TUBGCP4: variants seen among roughly 807,000 people sequenced by gnomAD.
The protein encoded by TUBGCP4 is gamma-tubulin complex component 4.
Under a neutral mutation model 91.6 loss-of-function variants are expected in TUBGCP4, and 54 were observed. The ratio of observed to expected loss-of-function variants is 0.59; its 90% confidence interval spans 0.47 to 0.74. The LOEUF (loss-of-function observed/expected upper bound fraction) is 0.74, where lower values mean the gene tolerates loss of function less well. Ranked by LOEUF, TUBGCP4 falls within the 30% of genes least tolerant of loss-of-function variation. The pLI is 0.00. For synonymous variants in TUBGCP4, 297 were observed against 302.8 expected, an observed-to-expected ratio of 0.98 and a Z score of 0.20; for missense variants, 593 against 800.9, an observed-to-expected ratio of 0.74 and a Z score of 3.13.
chr15:43,382,627 A>G (rs892982181), intron 6 of TUBGCP4, among the ~76,000 whole-genome samples: 3 of 152,226 alleles, frequency 2.0e-5, no homozygotes, highest in Admixed American at 1.3e-4. Context: ...TTCCCATTAC[A>G]TCATATTAGA....
At chr15:43,403,004 T>C (rs1411280368) in intron 15 of TUBGCP4, 1 of 152,262 alleles carries the variant, frequency 6.6e-6, no homozygotes, top group Non-Finnish European at 1.5e-5. Flanking sequence ...GATGGGTAGA[T>C]GCTGTCCTTA....
Position 43,394,998 on chromosome 15 carries a change from G to A in TUBGCP4, c.1015-109G>A, listed in dbSNP as rs2044557022. 3 of 1,181,382 alleles carry A rather than the reference G, an allele frequency of 2.5e-6. No homozygotes were observed. In the African/African-American group the frequency reaches 4.5e-5, roughly 18 times the overall value. 73.2% of individuals were successfully genotyped at this position (1,181,382 alleles called of 1,614,324 possible). Reference sequence around the variant, plus strand: ...TTTTGAGTAAATTTTTCTATGTGGGGCAAGGTATAGTCTTCTTTTAATACA... The same window carrying A: ...TTTTGAGTAAATTTTTCTATGTGGGACAAGGTATAGTCTTCTTTTAATACA... On this transcript the variant is annotated intron_variant, in intron 9 of 17. Transcript: ENST00000564079.
At chr15:43,388,284 G>A (rs1213204343) in intron 9 of TUBGCP4, among the ~76,000 whole-genome samples, 1 of 152,192 alleles carries the variant, frequency 6.6e-6, no homozygotes, top group Non-Finnish European at 1.5e-5. Context: ...ATCTCCATGG[G>A]TTAGAAGCAC....
intron 15 of TUBGCP4, 150 bp downstream of exon 15, chr15:43,402,000 T>C (rs915334679): frequency 1.8e-5 from 18 of 996,740 alleles, no homozygotes; most frequent in East Asian, 1.4e-4. Flanking sequence ...CGGCGGGGCA[T>C]GGTGGCTCAT....
chr15:43,384,588 A>G (rs1413433049), intron 7 of TUBGCP4, among the ~76,000 whole-genome samples: 1 of 152,230 alleles, frequency 6.6e-6, no homozygotes, highest in Non-Finnish European at 1.5e-5. Flanking sequence ...CTGAAGTAAA[A>G]TGTTACAAGA....
intron 5 of TUBGCP4, 41 bp from the exon 6 acceptor site, chr15:43,380,043 T>C (rs2142784385): frequency 6.3e-7 from 1 of 1,591,158 alleles, no homozygotes; most frequent in East Asian, 2.2e-5. Flanking sequence ...GCATGGACTC[T>C]TAGAATGGAA....
intron 9 of TUBGCP4, among the ~76,000 whole-genome samples, chr15:43,392,493 GTTTGTTTTGT>G (rs748181499): frequency 4.6e-5 from 7 of 151,800 alleles, no homozygotes; most frequent in Non-Finnish European, 7.4e-5. Flanking sequence ...TTGTTTGTTT[GTTTGTTTTGT>G]TTTGTTTTGT....
intron 14 of TUBGCP4, among the ~76,000 whole-genome samples, chr15:43,400,789 C>G (rs1037658601): frequency 6.6e-6 from 1 of 152,036 alleles, no homozygotes; most frequent in Non-Finnish European, 1.5e-5. Flanking sequence ...GTGGTGGCGC[C>G]TGTTTGTAGT....
At chr15:43,371,585 T>G (rs2044123061) in intron 1 of TUBGCP4, among the ~76,000 whole-genome samples, 153 bp downstream of exon 1, 1 of 151,412 alleles carries the variant, frequency 6.6e-6, no homozygotes, top group African/African-American at 2.4e-5. Context: ...CCCCTTAGGG[T>G]CAAGGCTGAT....
In TUBGCP4 at chr15:43,405,297, C is replaced by T. The variant is rs1027775332; in HGVS notation, c.*83C>T. 1.3e-6 allele frequency: 2 copies of T among 1,495,286 alleles called. No homozygotes were observed. The highest frequency in any genetic ancestry group is 1.7e-5 in the Admixed American group (1 of 59,142). The allele number at this position is 1,495,286 out of a possible 1,614,324, so 92.6% of individuals were successfully genotyped here. A position where few individuals can be genotyped will look rare whatever the true frequency, so the allele number is the denominator to read the frequency against. On this transcript the variant is annotated 3_prime_UTR_variant, in exon 18 of 18. Coordinates refer to ENST00000564079, the MANE Select transcript of TUBGCP4 (RefSeq NM_014444.5). ...TTCAAAACATCCCATTCTAGCCACA[C>T]ACAAATAAATATCTGCGGCTTAGTG... is the stretch of plus-strand genomic sequence containing the variant.
chr15:43,406,612 G>C lies in TUBGCP4; in HGVS notation c.*1398G>C, dbSNP rs1296662377. 1.5e-5 allele frequency: 7 copies of C among 455,840 alleles called. No homozygotes were observed. Among genetic ancestry groups the C allele is most frequent in the Admixed American group, 7.1e-5 (3 of 42,546 alleles). The allele number at this position is 455,840 out of a possible 1,614,324, so 28.2% of individuals were successfully genotyped here. A position where few individuals can be genotyped will look rare whatever the true frequency, so the allele number is the denominator to read the frequency against. ...TTGACCCTTTACAGAAAAAAACCTT[G>C]TTGACCCCTGCTTTAGAGAATGAGA... On this transcript the variant is annotated 3_prime_UTR_variant, in exon 18 of 18. Coordinates refer to ENST00000564079, the MANE Select transcript of TUBGCP4 (RefSeq NM_014444.5).
chr15:43,379,137 T>C (rs528639959), intron 5 of TUBGCP4, among the ~76,000 whole-genome samples: 1 of 152,258 alleles, frequency 6.6e-6, no homozygotes, highest in Non-Finnish European at 1.5e-5. Context: ...TCTTCAGAGT[T>C]TTTAAAATCA....
At chr15:43,399,939 CTGTT>C (rs2044641795) in intron 13 of TUBGCP4, 101 bp from the exon 14 acceptor site, 2 of 689,828 alleles carry the variant, frequency 2.9e-6, no homozygotes, top group Admixed American at 2.9e-5. Flanking sequence ...TCCTTACTGC[CTGTT>C]TGTGAGAGGA....
intron 9 of TUBGCP4, among the ~76,000 whole-genome samples, chr15:43,392,821 C>T (rs1303622908): frequency 6.6e-6 from 1 of 152,046 alleles, no homozygotes; most frequent in Non-Finnish European, 1.5e-5. Context: ...TACTTAGATT[C>T]TATTTTGTTA....
At chr15:43,381,834 G>A (rs1050524343) in intron 6 of TUBGCP4, among the ~76,000 whole-genome samples, 11 of 152,028 alleles carry the variant, frequency 7.2e-5, no homozygotes, top group Non-Finnish European at 1.6e-4. Context: ...CCTTCTATAC[G>A]TATATGTGAA....
In TUBGCP4 at chr15:43,406,090, C is replaced by T. The variant is rs956694153; in HGVS notation, c.*876C>T. 3 of 149,110 alleles carry T rather than the reference C, an allele frequency of 2.0e-5. No homozygotes were observed. The highest frequency in any genetic ancestry group is 4.5e-5 in the Non-Finnish European group (3 of 67,316). The allele number at this position is 149,110 out of a possible 1,614,324, so 9.2% of individuals were successfully genotyped here. A position where few individuals can be genotyped will look rare whatever the true frequency, so the allele number is the denominator to read the frequency against. ...AGTATTATTCTCCAAGAAAAAGGTC[C>T]TTAAGAAAAAATTGAGATCAAGTTG... On this transcript the variant is annotated 3_prime_UTR_variant, in exon 18 of 18. Transcript: ENST00000564079.
chr15:43,389,554 G>T (rs1050319261), intron 9 of TUBGCP4, among the ~76,000 whole-genome samples: 6 of 152,034 alleles, frequency 3.9e-5, no homozygotes, highest in Non-Finnish European at 1.5e-5. Context: ...GTCAATTAAG[G>T]TTCAGTTTCT....
At chr15:43,397,858 C>T (rs537969498) in intron 12 of TUBGCP4, among the ~76,000 whole-genome samples, 183 bp from the exon 13 acceptor site, 100 of 152,208 alleles carry the variant, frequency 6.6e-4, no homozygotes, top group African/African-American at 2.3e-3. Context: ...ACTACAAGTG[C>T]GTGCCACCAT....
intron 17 of TUBGCP4, chr15:43,404,984 GGTCT>G (rs751456886): frequency 1.4e-4 from 79 of 567,910 alleles, no homozygotes; most frequent in Non-Finnish European, 2.3e-4. Context: ...GCTTCCCAGA[GGTCT>G]GTCATTCCCA....
Sources: allele counts gnomAD v4.1 joint callset (sites outside exome capture counted in the v4.1 genomes callset), GRCh38; gene constraint gnomAD v4.1.1; transcripts MANE v1.5; gene names NCBI Gene and HGNC (gene_info 2026-07-23, HGNC 2026-07-21).